GREB1: variants seen among roughly 807,000 people sequenced by gnomAD.
The protein encoded by GREB1 is protein GREB1.
GREB1 carries 106 observed loss-of-function variants against 200.7 expected under a neutral mutation model. That is an observed-to-expected ratio of 0.53 (90% CI 0.45 to 0.62). The LOEUF is 0.62. Among genes scored for constraint, GREB1 ranks in the 20% least tolerant of loss-of-function variants. The pLI is 0.00. For missense variants in GREB1, 2,243 were observed against 2,556.8 expected (o/e 0.88, Z 2.65); for synonymous variants, 1,132 against 1,092.4 (o/e 1.04, Z -0.72).
At chr2:11,549,786 T>G (rs1167209002) in intron 1 of GREB1, among the ~76,000 whole-genome samples, 1 of 152,266 alleles carries the variant, frequency 6.6e-6, no homozygotes, top group Non-Finnish European at 1.5e-5. Flanking sequence ...GGCAGATGTG[T>G]TTCCTTTGTG....
chr2:11,633,031 G>A lies in GREB1; in HGVS notation c.4959G>A (p.Val1653=), dbSNP rs749071924. 1 of 1,614,176 alleles carries A rather than the reference G, an allele frequency of 6.2e-7. No individual in the cohort carries two copies. The highest frequency in any genetic ancestry group is 8.5e-7 in the Non-Finnish European group (1 of 1,180,022). The part of the protein sequence containing the change: ...ISDDSCVMWN[V]VDVNSAGERS... ...ATGACTCCTGCGTGATGTGGAACGT[G>A]GTGGATGTCAACTCTGCTGGGGAGA... is the stretch of plus-strand genomic sequence containing the variant. The change falls in exon 28 of 33, where the codon GTG becomes GTA. Residue 1653 remains valine (V), a synonymous_variant. Transcript: ENST00000381486. This position sits in a 1 kb window ranked among gnomAD's most constrained non-coding sequence, Gnocchi z 4.1.
upstream of GREB1, among the ~76,000 whole-genome samples, chr2:11,533,869 C>A (rs982270446): frequency 1.3e-5 from 2 of 152,178 alleles, no homozygotes; most frequent in Non-Finnish European, 2.9e-5. Flanking sequence ...ATCAATTCTA[C>A]TATAACTTGA....
At chr2:11,498,967 T>A (rs1291666931) in intron 1 of GREB1, among the ~76,000 whole-genome samples, 2 of 152,220 alleles carry the variant, frequency 1.3e-5, no homozygotes, top group East Asian at 3.8e-4. Flanking sequence ...TGGGTTTTCA[T>A]TTTAAAAAAT....
In GREB1 at chr2:11,618,449, C is replaced by T; in HGVS notation, c.3574C>T (p.His1192Tyr). ...SQGPPSAISR[H>Y]SPGPTPQPDC... ...GGGGCCACCCTCGGCCATCAGCAGG[C>T]ACAGTCCCGGGCCGACGCCCCAGCC... Residue 1192 changes from histidine to tyrosine, a missense_variant, in exon 22 of 33, where the codon CAC (histidine) becomes TAC (tyrosine). Around this residue, in one of 3 missense-constraint regions of GREB1, gnomAD observed 587 missense variants for 553.1 expected, o/e 1.06. Coordinates refer to ENST00000381486, the MANE Select transcript of GREB1 (RefSeq NM_014668.4). The T allele has an allele frequency of 1.2e-6, 2 of 1,605,698 alleles. No individual in the cohort carries two copies. The highest frequency in any genetic ancestry group is 1.1e-5 in the South Asian group (1 of 90,072).
chr2:11,546,010 T>C (rs1359043890), intron 1 of GREB1, among the ~76,000 whole-genome samples: 1 of 152,012 alleles, frequency 6.6e-6, no homozygotes, highest in Non-Finnish European at 1.5e-5. Context: ...AAACCCCATC[T>C]CTACTAAAAA....
At position 11,611,039 on chromosome 2, in the gene GREB1, G is replaced by T; in HGVS notation, c.3006+12G>T. ...TAAAGCAGCTCAGGGTAGGTGCTGTGCGCAGGGAGGGGCGGAGGGCCTGGG... is the reference window on the plus strand; with the variant it reads ...TAAAGCAGCTCAGGGTAGGTGCTGTTCGCAGGGAGGGGCGGAGGGCCTGGG... On this transcript the variant is annotated intron_variant, in intron 18 of 32. Coordinates refer to ENST00000381486, the MANE Select transcript of GREB1 (RefSeq NM_014668.4). The T allele has an allele frequency of 1.9e-6, 3 of 1,551,120 alleles. No homozygotes were observed.
chr2:11,483,947 C>T (rs527824992), intron 1 of GREB1, among the ~76,000 whole-genome samples: 1 of 152,156 alleles, frequency 6.6e-6, no homozygotes, highest in Non-Finnish European at 1.5e-5. Flanking sequence ...TTTTATTATC[C>T]CTTTAAAACA....
chr2:11,637,819 T>C lies in GREB1; in HGVS notation c.5450T>C (p.Phe1817Ser). 1 of 1,614,178 alleles carries C rather than the reference T, an allele frequency of 6.2e-7. No individual in the cohort carries two copies. Among genetic ancestry groups the C allele is most frequent in the Admixed American group, 1.7e-5 (1 of 60,020 alleles). The change falls in exon 31 of 33, where the codon TTC becomes TCC. Residue 1817 changes from phenylalanine (F) to serine (S), a missense_variant. Transcript: ENST00000381486. ...CCCGCCCAGCTCCTGCTGGAGAAGT[T>C]CCTGCAGCACCACAGCCACCTCTTC... ...AAPAQLLLEKFLQHHSHLFFP... is the reference protein window; with the variant it reads ...AAPAQLLLEKSLQHHSHLFFP...
chr2:11,562,629 C>A, intron 3 of GREB1, 47 bp downstream of exon 3: 1 of 1,524,858 alleles, frequency 6.6e-7, no homozygotes, highest in Non-Finnish European at 8.8e-7. Context: ...CCATGCTGCC[C>A]GGAGGCAGTG....
chr2:11,595,424 C>G (rs765897416), intron 12 of GREB1, 45 bp downstream of exon 12: 3 of 1,587,896 alleles, frequency 1.9e-6, no homozygotes. Flanking sequence ...GTTAATAGGA[C>G]AGTAATCAGT....
At chr2:11,550,657 C>T (rs182814461) in intron 1 of GREB1, among the ~76,000 whole-genome samples, 4 of 152,318 alleles carry the variant, frequency 2.6e-5, no homozygotes, top group Admixed American at 2.6e-4. Context: ...CCTCAGGAGG[C>T]CTCACCCAGT....
chr2:11,606,906 C>G (rs1342301565), intron 17 of GREB1, among the ~76,000 whole-genome samples: 1 of 151,810 alleles, frequency 6.6e-6, no homozygotes, highest in Non-Finnish European at 1.5e-5. Context: ...CCTCAGCCTC[C>G]TGAGTAGCTG....
At chr2:11,484,200 A>T (rs942608524) in intron 1 of GREB1, among the ~76,000 whole-genome samples, 1 of 152,208 alleles carries the variant, frequency 6.6e-6, no homozygotes, top group African/African-American at 2.4e-5. Context: ...AATTGTTCAT[A>T]AGCAATCCAT....
chr2:11,608,440 G>A (rs150216256), intron 17 of GREB1, among the ~76,000 whole-genome samples: 3 of 152,180 alleles, frequency 2.0e-5, no homozygotes, highest in East Asian at 3.9e-4. Flanking sequence ...TTACATGTCT[G>A]GTAATTTTTG....
intron 1 of GREB1, among the ~76,000 whole-genome samples, chr2:11,526,760 G>A (rs895703544): frequency 3.9e-5 from 6 of 151,954 alleles, no homozygotes; most frequent in African/African-American, 1.2e-4. Context: ...GTTTCCCCAT[G>A]TTGGCCAGGC....
rs372037157 is a variant in GREB1, at chr2:11,556,686, A to G, written c.72A>G (p.Ala24=). 4 of 1,613,878 alleles carry G rather than the reference A, an allele frequency of 2.5e-6. No individual in the cohort carries two copies. The highest frequency in any genetic ancestry group is 1.3e-5 in the African/African-American group (1 of 74,912). ...AGGTCTTGCACAATTCCATCGAGGC[A>G]TCCCTGCGGTCCAACAACCTGGTGC... The part of the protein sequence containing the change: ...FEEVLHNSIE[A]SLRSNNLVPR... Residue 24 remains alanine (A), a synonymous_variant, in exon 2 of 33, where the codon GCA becomes GCG. Transcript: ENST00000381486.
At chr2:11,639,423 G>A (rs75773736) in intron 32 of GREB1, among the ~76,000 whole-genome samples, 1 of 152,142 alleles carries the variant, frequency 6.6e-6, no homozygotes, top group Admixed American at 6.5e-5. Flanking sequence ...CCTTCACATC[G>A]GTGTCCCAGT....
intron 1 of GREB1, among the ~76,000 whole-genome samples, chr2:11,521,484 AC>A (rs1673703179): frequency 6.6e-6 from 1 of 152,154 alleles, no homozygotes; most frequent in Non-Finnish European, 1.5e-5. Flanking sequence ...AATTTCTAAA[AC>A]TTTTAAAGGA....
intron 27 of GREB1, among the ~76,000 whole-genome samples, chr2:11,632,500 G>A (rs1442480469): frequency 1.3e-5 from 2 of 152,022 alleles, no homozygotes; most frequent in East Asian, 1.9e-4. Flanking sequence ...CATGACGCCC[G>A]GCTAATTTTT....
Sources: gnomAD v4.1 joint callset for allele counts (sites outside exome capture counted in the v4.1 genomes callset) on GRCh38, gnomAD v4.1.1 for gene constraint, gnomAD v4.1.1 regional missense constraint, Gnocchi (gnomAD v3.1) non-coding constraint, MANE v1.5 for transcripts, NCBI Gene and HGNC (gene_info 2026-07-23, HGNC 2026-07-21) for gene names.